DLGAP2: variants seen among roughly 807,000 people sequenced by gnomAD.
DLGAP2 encodes the protein DLG associated protein 2.
A neutral mutation model predicts 100.3 loss-of-function variants in DLGAP2; 26 were observed. The ratio of observed to expected loss-of-function variants is 0.26; its 90% CI spans 0.19 to 0.36. The LOEUF (loss-of-function observed/expected upper bound fraction) is 0.36. Among genes scored for constraint, DLGAP2 ranks in the 10% least tolerant of loss-of-function variants. The pLI is 1.00. For synonymous variants in DLGAP2, 886 were observed against 630.1 expected (o/e 1.41, Z -6.08); for missense variants, 1,858 against 1,453.2 (o/e 1.28, Z -4.53).
chr8:819,751 A>C (rs1299603839), intron 1 of DLGAP2, among the ~76,000 whole-genome samples: 5 of 152,352 alleles, frequency 3.3e-5, no homozygotes, highest in Non-Finnish European at 7.3e-5. Flanking sequence ...TTTATAGGAA[A>C]AACAATGAAA....
chr8:805,789 G>T (rs370351107), intron 1 of DLGAP2, among the ~76,000 whole-genome samples: 1 of 152,170 alleles, frequency 6.6e-6, no homozygotes, highest in Non-Finnish European at 1.5e-5. Context: ...CTCCCAAAGC[G>T]CAGGGATTAC....
At chr8:1,682,069 T>A (rs1429821289) in intron 12 of DLGAP2, among the ~76,000 whole-genome samples, 1 of 152,212 alleles carries the variant, frequency 6.6e-6, no homozygotes, top group East Asian at 1.9e-4. Flanking sequence ...CTCCACTGCC[T>A]GCTTCCATGC....
chr8:1,070,344 A>C (rs1405170671), intron 2 of DLGAP2, among the ~76,000 whole-genome samples: 1 of 152,190 alleles, frequency 6.6e-6, no homozygotes, highest in Non-Finnish European at 1.5e-5. Context: ...CCTGGTGAGC[A>C]GCGGCTGACA....
At chr8:1,234,432 A>C (rs1028274662) in intron 2 of DLGAP2, among the ~76,000 whole-genome samples, 2 of 152,146 alleles carry the variant, frequency 1.3e-5, no homozygotes, top group African/African-American at 2.4e-5. Context: ...TGTGGGTCTG[A>C]TTCCAGTGTC....
At chr8:1,108,715 T>C (rs1395765921) in intron 2 of DLGAP2, among the ~76,000 whole-genome samples, 1 of 124,762 alleles carries the variant, frequency 8.0e-6, no homozygotes, top group South Asian at 2.8e-4. Context: ...GGTGTGCACG[T>C]GCCTATAATG....
intron 2 of DLGAP2, among the ~76,000 whole-genome samples, chr8:1,039,730 T>G (rs1256821481): frequency 8.1e-6 from 1 of 123,866 alleles, no homozygotes; most frequent in Admixed American, 8.8e-5. Flanking sequence ...TCAGCTTGGT[T>G]TCTGTGGTCA....
chr8:1,210,814 G>C (rs1268137335), intron 2 of DLGAP2, among the ~76,000 whole-genome samples: 1 of 151,898 alleles, frequency 6.6e-6, no homozygotes, highest in African/African-American at 2.4e-5. Flanking sequence ...CATGTGGTCG[G>C]TTTTCCCATG....
intron 2 of DLGAP2, among the ~76,000 whole-genome samples, chr8:1,079,027 A>G (rs1305852587): frequency 6.6e-6 from 1 of 152,198 alleles, no homozygotes; most frequent in Non-Finnish European, 1.5e-5. Flanking sequence ...ACCAGCAGGG[A>G]GGAGAGTTCC....
At chr8:916,169 C>G (rs1049076012) in intron 2 of DLGAP2, among the ~76,000 whole-genome samples, 2 of 152,212 alleles carry the variant, frequency 1.3e-5, no homozygotes, top group African/African-American at 4.8e-5. Flanking sequence ...CCTATCCACC[C>G]CAGTTTTCCC....
At chr8:1,451,909 C>T (rs1798170495) in intron 3 of DLGAP2, among the ~76,000 whole-genome samples, 1 of 152,260 alleles carries the variant, frequency 6.6e-6, no homozygotes, top group Non-Finnish European at 1.5e-5. Context: ...CACACACGGC[C>T]CAGGCCCCAC....
chr8:1,043,318 A>G (rs1319971443), intron 2 of DLGAP2, among the ~76,000 whole-genome samples: 31 of 46,622 alleles, frequency 6.6e-4, no homozygotes, highest in East Asian at 4.1e-3. Flanking sequence ...TGGGTGATGG[A>G]CGTGGGTGAT....
At chr8:1,568,226 T>C (rs375384502) in intron 6 of DLGAP2, among the ~76,000 whole-genome samples, 613 of 60,112 alleles carry the variant, frequency 0.01, no homozygotes, top group Middle Eastern at 0.031. Flanking sequence ...GTCCACTCAG[T>C]AGACACAAAT....
chr8:1,260,191 G>T (rs925417188), intron 3 of DLGAP2, among the ~76,000 whole-genome samples: 1 of 152,144 alleles, frequency 6.6e-6, no homozygotes, highest in Admixed American at 6.5e-5. Flanking sequence ...AAATTCTGCA[G>T]CCTGTCTGTT....
intron 3 of DLGAP2, among the ~76,000 whole-genome samples, chr8:1,417,688 C>T (rs1282195607): frequency 9.0e-5 from 13 of 143,724 alleles, no homozygotes; most frequent in African/African-American, 3.5e-4. Context: ...CAGGGGGGCA[C>T]AGGGGGCCCC....
intron 2 of DLGAP2, among the ~76,000 whole-genome samples, chr8:1,070,033 A>G (rs962334004): frequency 6.6e-5 from 10 of 152,222 alleles, no homozygotes; most frequent in Admixed American, 6.5e-4. Context: ...ACTTAAAAGT[A>G]TGTGTTTCTG....
chr8:934,648 G>A (rs1171551183), intron 2 of DLGAP2, among the ~76,000 whole-genome samples: 1 of 152,052 alleles, frequency 6.6e-6, no homozygotes, highest in Non-Finnish European at 1.5e-5. Flanking sequence ...GAGGCAGAGC[G>A]GGCACTGGGT....
chr8:1,466,787 G>A (rs188351226), intron 3 of DLGAP2, among the ~76,000 whole-genome samples: 14 of 152,244 alleles, frequency 9.2e-5, no homozygotes, highest in East Asian at 5.8e-4. Flanking sequence ...TTGGTGAGAC[G>A]TGTGGTAATT....
chr8:1,668,367 G>A lies in DLGAP2; in HGVS notation c.1849G>A (p.Val617Met). The change falls in exon 9 of 15, where the codon GTG (valine) becomes ATG (methionine). Residue 617 changes from valine (V) to methionine (M), a missense_variant. Val to Met is a conservative substitution (Grantham distance 21). Coordinates refer to ENST00000637795, the MANE Select transcript of DLGAP2 (RefSeq NM_001346810.2). ...AAATTACAAGAAAACGCCCCCACCG[G>A]TGCCCCCTCGGACCACCTCCAAGCC... is the stretch of plus-strand genomic sequence containing the variant. ...YTNYKKTPPP[V>M]PPRTTSKPLI... is the part of the protein sequence containing the mutation. The A allele has an allele frequency of 6.4e-7, 1 of 1,558,322 alleles. No individual in the cohort carries two copies. The highest frequency in any genetic ancestry group is 8.7e-7 in the Non-Finnish European group (1 of 1,155,740).
rs180716456 is a variant in DLGAP2 at position 1,615,491 on chromosome 8, C to A, written c.1443-11249C>A. On this transcript the variant is annotated intron_variant, in intron 6 of 14. Transcript: ENST00000637795. ...GAGAAGACCCCGATGGTAGAACTCA[C>A]CAGAAAGATCTTTAAACAGCCATTG... Among the ~76,000 whole-genome samples, 12 of 152,214 alleles carry A rather than the reference C, an allele frequency of 7.9e-5. No individual in the cohort carries two copies. The East Asian group carries it at 2.1e-3, about 27-fold the overall frequency.
Sources: allele counts gnomAD v4.1 joint callset (sites outside exome capture counted in the v4.1 genomes callset), GRCh38; gene constraint gnomAD v4.1.1; transcripts MANE v1.5; gene names NCBI Gene and HGNC (gene_info 2026-07-23, HGNC 2026-07-21).